FGF12: variants seen among roughly 807,000 people sequenced by gnomAD.
FGF12 encodes the protein fibroblast growth factor 12, also known as fibroblast growth factor 12B.
Under a neutral mutation model 23.6 loss-of-function variants are expected in FGF12, and 14 were observed. The observed-to-expected ratio is 0.59, with a 90% CI of 0.39 to 0.93. The LOEUF is 0.93. Among genes scored for constraint, FGF12 ranks in the 40% least tolerant of loss-of-function variants. FGF12 has a pLI of 0.00. For missense variants in FGF12, 175 were observed against 217.8 expected (o/e 0.80, Z 1.24); for synonymous variants, 62 against 77.3 (o/e 0.80, Z 1.04).
At chr3:192,684,245 T>A (rs1297269271) in intron 2 of FGF12, among the ~76,000 whole-genome samples, 1 of 152,172 alleles carries the variant, frequency 6.6e-6, no homozygotes, top group Non-Finnish European at 1.5e-5. Context: ...AGAGGGCACA[T>A]GCTGTCCAAG....
In FGF12 at chr3:192,318,107, C is replaced by T. The variant is rs1577348539; in HGVS notation, c.228+17254G>A. 2.0e-5 allele frequency among the ~76,000 whole-genome samples: 3 copies of T among 152,212 alleles called. No individual in the cohort carries two copies. In the East Asian group the frequency reaches 5.8e-4, roughly 29 times the overall value. ...CACAACACCCAAGTCCTTTTGAATG[C>T]TTGCAAAGTCCTCCGAAGGAGGACA... On this transcript the variant is annotated intron_variant, in intron 4 of 5. Transcript: ENST00000445105.
intron 2 of FGF12, among the ~76,000 whole-genome samples, chr3:192,618,277 G>A (rs577240702): frequency 7.9e-4 from 120 of 151,422 alleles, no homozygotes; most frequent in Admixed American, 4.0e-3. Flanking sequence ...TCTGAAGTCC[G>A]CTAAGTTAAC....
chr3:192,588,828 G>A (rs987036731), intron 2 of FGF12, among the ~76,000 whole-genome samples: 1 of 151,774 alleles, frequency 6.6e-6, no homozygotes, highest in South Asian at 2.1e-4. Context: ...TTTTCTTTAG[G>A]TGAGAGGTAA....
intron 2 of FGF12, among the ~76,000 whole-genome samples, chr3:192,368,792 C>T (rs1719098623): frequency 6.6e-6 from 1 of 152,148 alleles, no homozygotes; most frequent in Admixed American, 6.5e-5. Context: ...AACAGATACC[C>T]TATATCCTGC....
chr3:192,420,201 C>T (rs1010654411), intron 2 of FGF12, among the ~76,000 whole-genome samples: 124 of 152,142 alleles, frequency 8.2e-4, no homozygotes, highest in African/African-American at 3.0e-3. Flanking sequence ...GGAAAATGGT[C>T]GGGGGTGGAA....
At chr3:192,417,133 G>T (rs1398252775) in intron 2 of FGF12, among the ~76,000 whole-genome samples, 1 of 152,042 alleles carries the variant, frequency 6.6e-6, no homozygotes, top group Non-Finnish European at 1.5e-5. Flanking sequence ...GCTGGAAATT[G>T]TCTCCTGGTT....
chr3:192,581,680 G>A (rs979948177), intron 2 of FGF12, among the ~76,000 whole-genome samples: 2 of 151,936 alleles, frequency 1.3e-5, no homozygotes, highest in Admixed American at 6.5e-5. Context: ...TTTCTAAAAT[G>A]TAAATGAAAA....
chr3:192,378,068 T>TCTTTCTC (rs1719629981), intron 2 of FGF12, among the ~76,000 whole-genome samples: 1 of 117,210 alleles, frequency 8.5e-6, no homozygotes, highest in Non-Finnish European at 1.7e-5. Flanking sequence ...CTTTCTTTCT[T>TCTTTCTC]TCTTTCTTTC....
chr3:192,549,713 G>C (rs780946951), intron 2 of FGF12, among the ~76,000 whole-genome samples: 3 of 152,080 alleles, frequency 2.0e-5, no homozygotes, highest in Non-Finnish European at 4.4e-5. Context: ...TTGAAGACCT[G>C]AATAGACAAA....
chr3:192,346,127 C>T (rs1717948121), intron 3 of FGF12, among the ~76,000 whole-genome samples: 1 of 152,006 alleles, frequency 6.6e-6, no homozygotes. Flanking sequence ...TCCATGTCTA[C>T]TATAAACTCC....
chr3:192,451,579 A>T (rs1722522653), intron 2 of FGF12, among the ~76,000 whole-genome samples: 1 of 152,224 alleles, frequency 6.6e-6, no homozygotes, highest in South Asian at 2.1e-4. Context: ...GACTAAAGAT[A>T]AGTCATGTTG....
At chr3:192,562,236 G>A (rs1712074037) in intron 2 of FGF12, among the ~76,000 whole-genome samples, 1 of 152,164 alleles carries the variant, frequency 6.6e-6, no homozygotes, top group African/African-American at 2.4e-5. Flanking sequence ...GGTTGTGGGT[G>A]GGTGGGGAAG....
At chr3:192,565,032 C>G (rs78013146) in intron 2 of FGF12, among the ~76,000 whole-genome samples, 1 of 152,170 alleles carries the variant, frequency 6.6e-6, no homozygotes, top group African/African-American at 2.4e-5. Flanking sequence ...ACATTTTGAA[C>G]AGAGCTTTTT....
chr3:192,235,928 T>C (rs909330018), intron 4 of FGF12, among the ~76,000 whole-genome samples: 1 of 152,204 alleles, frequency 6.6e-6, no homozygotes, highest in Non-Finnish European at 1.5e-5. Flanking sequence ...CTTGTGTTTC[T>C]AACTCCTCTA....
intron 4 of FGF12, among the ~76,000 whole-genome samples, chr3:192,250,369 G>A (rs899156523): frequency 2.0e-5 from 3 of 152,046 alleles, no homozygotes; most frequent in Admixed American, 2.0e-4. Flanking sequence ...ATAAGTTATG[G>A]TCAGCACAAG....
intron 2 of FGF12, among the ~76,000 whole-genome samples, chr3:192,439,336 A>C (rs1269839067): frequency 6.6e-6 from 1 of 152,188 alleles, no homozygotes; most frequent in Non-Finnish European, 1.5e-5. Context: ...TGTCCAACAC[A>C]ATGCAGAGCT....
intron 2 of FGF12, among the ~76,000 whole-genome samples, chr3:192,388,253 G>T (rs6771988): frequency 2.6e-5 from 4 of 151,992 alleles, no homozygotes; most frequent in African/African-American, 9.7e-5. Context: ...AACAAAGCAA[G>T]ACCCTATCTA....
intron 2 of FGF12, among the ~76,000 whole-genome samples, chr3:192,363,642 T>C (rs1718842583): frequency 6.6e-6 from 1 of 152,168 alleles, no homozygotes; most frequent in South Asian, 2.1e-4. Context: ...TGGCATCTTG[T>C]ATGTCTATTA....
chr3:192,692,923 C>T (rs534735887), intron 2 of FGF12, among the ~76,000 whole-genome samples: 46 of 151,878 alleles, frequency 3.0e-4, no homozygotes, highest in Non-Finnish European at 6.3e-4. Context: ...TGCCTACTCT[C>T]ACCACTTCTA....
Sources: allele counts gnomAD v4.1 joint callset (sites outside exome capture counted in the v4.1 genomes callset), GRCh38; gene constraint gnomAD v4.1.1; transcripts MANE v1.5; gene names NCBI Gene and HGNC (gene_info 2026-07-23, HGNC 2026-07-21).